The following MAML3 variants were observed in gnomAD, a reference collection of about 807,000 sequenced individuals.
The protein encoded by MAML3 is mastermind like transcriptional coactivator 3.
In MAML3, 27 loss-of-function variants were observed where a neutral mutation model predicts 101.9. The ratio of observed to expected loss-of-function variants is 0.27; its 90% CI spans 0.20 to 0.37. MAML3 has a LOEUF of 0.37. MAML3 is among the 10% of genes least tolerant of loss of function. MAML3 has a pLI of 1.00. For missense variants in MAML3, 1,316 were observed against 1,444.9 expected, an observed-to-expected ratio of 0.91 and a Z score of 1.45; for synonymous variants, 501 against 555.9, an observed-to-expected ratio of 0.90 and a Z score of 1.39.
At chr4:139,971,326 G>GA (rs929572280) in intron 1 of MAML3, among the ~76,000 whole-genome samples, 1 of 152,144 alleles carries the variant, frequency 6.6e-6, no homozygotes, top group Non-Finnish European at 1.5e-5. Context: ...GTGTCCAAAG[G>GA]ACTCTCTTTA....
intron 2 of MAML3, among the ~76,000 whole-genome samples, chr4:139,808,015 C>T (rs557190019): frequency 7.9e-5 from 12 of 152,342 alleles, no homozygotes; most frequent in Admixed American, 7.8e-4. Context: ...AAGGTACACT[C>T]CTCCATTCAT....
chr4:140,132,797 CTTGTA>C (rs1156889359), intron 1 of MAML3, among the ~76,000 whole-genome samples: 1 of 152,150 alleles, frequency 6.6e-6, no homozygotes, highest in Admixed American at 6.5e-5. Context: ...GGCATATTTT[CTTGTA>C]TTGTTCTTGC....
chr4:140,120,683 T>C (rs1728593152), intron 1 of MAML3, among the ~76,000 whole-genome samples: 1 of 152,198 alleles, frequency 6.6e-6, no homozygotes, highest in Admixed American at 6.5e-5. Flanking sequence ...AGTTTCTCCT[T>C]AATCTTTTTT....
At chr4:140,077,591 T>C (rs775508117) in intron 1 of MAML3, among the ~76,000 whole-genome samples, 1 of 152,232 alleles carries the variant, frequency 6.6e-6, no homozygotes, top group Non-Finnish European at 1.5e-5. Flanking sequence ...TGATGATAGA[T>C]AGTAACTATC....
At chr4:139,739,679 G>C (rs1579379883) in intron 2 of MAML3, among the ~76,000 whole-genome samples, 3 of 132,350 alleles carry the variant, frequency 2.3e-5, no homozygotes, top group South Asian at 2.3e-4. Context: ...GAGGAAAGCA[G>C]TTTTTTTTTT....
At chr4:139,964,182 C>A (rs191825541) in intron 1 of MAML3, among the ~76,000 whole-genome samples, 3 of 152,246 alleles carry the variant, frequency 2.0e-5, no homozygotes, top group Admixed American at 2.0e-4. Flanking sequence ...AGACATGGAA[C>A]CAACCCAAAT....
intron 2 of MAML3, among the ~76,000 whole-genome samples, chr4:139,823,939 G>C (rs1245786036): frequency 1.3e-5 from 2 of 151,394 alleles, no homozygotes; most frequent in Admixed American, 1.3e-4. Flanking sequence ...TCACGTGTTT[G>C]AAATATTTAC....
intron 2 of MAML3, among the ~76,000 whole-genome samples, chr4:139,832,093 C>CTTTTTTTTTT (rs1337533072): frequency 1.0e-5 from 1 of 98,406 alleles, no homozygotes; most frequent in Non-Finnish European, 2.3e-5. Flanking sequence ...ATGCCCAGCC[C>CTTTTTTTTTT]CTTTTTTTTT....
intron 1 of MAML3, among the ~76,000 whole-genome samples, chr4:140,104,054 A>C (rs1339325677): frequency 6.6e-6 from 1 of 151,956 alleles, no homozygotes; most frequent in Non-Finnish European, 1.5e-5. Flanking sequence ...CATATCACTC[A>C]CTTCTGTTTT....
intron 1 of MAML3, among the ~76,000 whole-genome samples, chr4:139,951,276 G>A (rs531316235): frequency 7.7e-4 from 117 of 152,334 alleles, no homozygotes; most frequent in African/African-American, 2.7e-3. Context: ...TAGCAGCCAC[G>A]CTGCCTTCAG....
At chr4:139,948,071 G>A (rs920689913) in intron 1 of MAML3, among the ~76,000 whole-genome samples, 4 of 151,190 alleles carry the variant, frequency 2.6e-5, no homozygotes, top group African/African-American at 9.8e-5. Context: ...TTGCACGCCA[G>A]TCTGGGCAAC....
At chr4:139,828,996 AGGAAGGAAGGAAG>A (rs1293191374) in intron 2 of MAML3, among the ~76,000 whole-genome samples, 1 of 135,700 alleles carries the variant, frequency 7.4e-6, no homozygotes, top group African/African-American at 2.7e-5. Context: ...GAAGGAAGGA[AGGAAGGAAGGAAG>A]GAAGGAAGGA....
Position 139,890,939 on chromosome 4 carries a change from T to C in MAML3, c.497A>G (p.Glu166Gly), listed in dbSNP as rs1341894803. The change falls in exon 2 of 5, where the codon GAA becomes GGA. Residue 166 changes from glutamate (E) to glycine (G), a missense_variant. Glu to Gly is a moderately conservative substitution (Grantham distance 98). Transcript: ENST00000509479. This position sits in a 1 kb window ranked among gnomAD's most constrained non-coding sequence, Gnocchi z 4.1. ...TCCATTAAGTGGTGATCGAGCTCCT[T>C]CCAACTTCCTTTTCACAGTCTCTTG... ...MLQETVKRKL[E>G]GARSPLNGDQ... 5 of 1,612,822 alleles carry C rather than the reference T, an allele frequency of 3.1e-6. No homozygotes were observed. The highest frequency in any genetic ancestry group is 3.4e-6 in the Non-Finnish European group (4 of 1,179,192).
chr4:139,970,467 G>A (rs1230979088), intron 1 of MAML3, among the ~76,000 whole-genome samples: 1 of 152,164 alleles, frequency 6.6e-6, no homozygotes, highest in Admixed American at 6.5e-5. Context: ...TGCAGGCAGT[G>A]CAGATCCACC....
At chr4:140,088,037 T>C (rs1368788034) in intron 1 of MAML3, among the ~76,000 whole-genome samples, 7 of 152,164 alleles carry the variant, frequency 4.6e-5, no homozygotes, top group Non-Finnish European at 8.8e-5. Flanking sequence ...GAGATCAGCT[T>C]GGGCGACATC....
At chr4:140,086,416 G>T (rs187273807) in intron 1 of MAML3, among the ~76,000 whole-genome samples, 1 of 152,126 alleles carries the variant, frequency 6.6e-6, no homozygotes, top group South Asian at 2.1e-4. Flanking sequence ...ACACTGTCTC[G>T]TCGTCCAAAT....
At chr4:139,875,790 C>T (rs921892996) in intron 2 of MAML3, among the ~76,000 whole-genome samples, 2 of 152,040 alleles carry the variant, frequency 1.3e-5, no homozygotes, top group Non-Finnish European at 2.9e-5. Flanking sequence ...GGCACAAAGC[C>T]GGCTGGGTTG....
chr4:139,801,987 G>A (rs1052494092), intron 2 of MAML3, among the ~76,000 whole-genome samples: 7 of 152,116 alleles, frequency 4.6e-5, no homozygotes, highest in African/African-American at 1.2e-4. Flanking sequence ...TTCAGAATGC[G>A]GCTGCACATG....
chr4:140,110,385 G>A (rs1357455569), intron 1 of MAML3, among the ~76,000 whole-genome samples: 3 of 152,186 alleles, frequency 2.0e-5, no homozygotes, highest in Non-Finnish European at 2.9e-5. Context: ...TTTACCTATC[G>A]TCGTTTTTCC....
Sources: allele counts gnomAD v4.1 joint callset (sites outside exome capture counted in the v4.1 genomes callset), GRCh38; gene constraint gnomAD v4.1.1; non-coding constraint Gnocchi (gnomAD v3.1); transcripts MANE v1.5; gene names NCBI Gene and HGNC (gene_info 2026-07-23, HGNC 2026-07-21).